The following CAMTA1 variants were observed in gnomAD, a reference collection of about 807,000 sequenced individuals.
CAMTA1 encodes calmodulin-binding transcription activator 1.
CAMTA1 carries 27 observed loss-of-function variants against 170.9 expected under a neutral mutation model. The observed-to-expected ratio is 0.16, with a 90% confidence interval of 0.12 to 0.22. The LOEUF (loss-of-function observed/expected upper bound fraction) is 0.22. Among genes scored for constraint, CAMTA1 ranks in the 10% least tolerant of loss-of-function variants. CAMTA1 has a pLI of 1.00. For synonymous variants in CAMTA1, 833 were observed against 891.5 expected (o/e 0.93, Z 1.17); for missense variants, 1,619 against 2,217.2 (o/e 0.73, Z 5.42).
chr1:7,528,537 G>T (rs2094455264), intron 6 of CAMTA1, among the ~76,000 whole-genome samples: 1 of 152,112 alleles, frequency 6.6e-6, no homozygotes, highest in Admixed American at 6.6e-5. Flanking sequence ...CTCTGAGTCA[G>T]GCTGGTATCT....
At chr1:7,069,167 G>A (rs1016969427) in intron 3 of CAMTA1, among the ~76,000 whole-genome samples, 7 of 152,180 alleles carry the variant, frequency 4.6e-5, no homozygotes, top group African/African-American at 1.4e-4. Context: ...AGGCAACTGG[G>A]AAAGATTGTC....
At chr1:6,872,618 G>A (rs77124732) in intron 3 of CAMTA1, among the ~76,000 whole-genome samples, 2,646 of 152,206 alleles carry the variant, frequency 0.017, 94 homozygotes, top group African/African-American at 0.061. Context: ...TCTGCCATAT[G>A]CAATTTCATG....
chr1:7,523,659 A>C (rs1166471894), intron 6 of CAMTA1, among the ~76,000 whole-genome samples: 1 of 151,558 alleles, frequency 6.6e-6, no homozygotes, highest in Non-Finnish European at 1.5e-5. Context: ...CAGGCGGATC[A>C]CAAGCTCAGG....
At chr1:7,200,488 G>T (rs1286154836) in intron 4 of CAMTA1, among the ~76,000 whole-genome samples, 1 of 152,186 alleles carries the variant, frequency 6.6e-6, no homozygotes, top group Non-Finnish European at 1.5e-5. Flanking sequence ...GATTCAATCT[G>T]GGATCATGGG....
At chr1:7,572,372 T>C (rs1283912897) in intron 6 of CAMTA1, among the ~76,000 whole-genome samples, 1 of 152,270 alleles carries the variant, frequency 6.6e-6, no homozygotes, top group African/African-American at 2.4e-5. Context: ...TTTTGGCTTT[T>C]GTTGCACTTG....
chr1:7,347,071 T>C (rs1193859469), intron 5 of CAMTA1, among the ~76,000 whole-genome samples: 3 of 152,140 alleles, frequency 2.0e-5, no homozygotes, highest in Admixed American at 6.5e-5. Context: ...TCCGTAGCAA[T>C]AGATGGTGAA....
chr1:7,420,116 C>G (rs1347477176), intron 5 of CAMTA1, among the ~76,000 whole-genome samples: 1 of 152,172 alleles, frequency 6.6e-6, no homozygotes, highest in Admixed American at 6.5e-5. Flanking sequence ...GACCTCCACT[C>G]TGGGCCCGCA....
At chr1:7,640,690 T>A (rs375612291) in intron 7 of CAMTA1, 137 bp downstream of exon 7, 34 of 1,007,642 alleles carry the variant, frequency 3.4e-5, no homozygotes, top group South Asian at 1.3e-4. Flanking sequence ...AGTGGCACCG[T>A]GAGCTTAGCT....
rs181017254 is a variant in CAMTA1 at position 7,664,045 on chromosome 1, G to T, written c.1498G>T (p.Gly500Cys). The T allele has an allele frequency of 6.8e-5, 109 of 1,613,884 alleles. No homozygotes were observed. The highest frequency in any genetic ancestry group is 8.7e-5 in the Non-Finnish European group (103 of 1,180,054). ...CCCAAAGCAGGGCCAGACGTACGGGGGTGGAGGCCTGAAAGCCGAGATGGT... is the reference window on the plus strand; with the variant it reads ...CCCAAAGCAGGGCCAGACGTACGGGTGTGGAGGCCTGAAAGCCGAGATGGT... ...NNPKQGQTYG[G>C]GGLKAEMVSS... The change falls in exon 9 of 23, where the codon GGT (glycine) becomes TGT (cysteine). Residue 500 changes from glycine (G) to cysteine (C), a missense_variant. Gly to Cys is a radical substitution (Grantham distance 159, BLOSUM62 -3). Around this residue, in one of 8 missense-constraint regions of CAMTA1, gnomAD observed 731 missense variants for 907.6 expected, o/e 0.81. Transcript: ENST00000303635.
At chr1:7,094,930 G>A (rs533890421) in intron 4 of CAMTA1, among the ~76,000 whole-genome samples, 1 of 152,208 alleles carries the variant, frequency 6.6e-6, no homozygotes, top group East Asian at 1.9e-4. Flanking sequence ...GGTGAATTGA[G>A]AATCTTGGAA....
At chr1:7,208,596 C>G (rs529496966) in intron 4 of CAMTA1, among the ~76,000 whole-genome samples, 10 of 152,318 alleles carry the variant, frequency 6.6e-5, no homozygotes, top group African/African-American at 2.2e-4. Flanking sequence ...ATGTGCACCT[C>G]TGTGTTTTGC....
At chr1:7,605,323 A>G (rs963617377) in intron 6 of CAMTA1, among the ~76,000 whole-genome samples, 3 of 152,202 alleles carry the variant, frequency 2.0e-5, no homozygotes, top group African/African-American at 4.8e-5. Context: ...GAGCTGCAGT[A>G]GGCTCCACTG....
intron 5 of CAMTA1, among the ~76,000 whole-genome samples, chr1:7,269,833 A>C (rs1365545583): frequency 6.6e-6 from 1 of 152,226 alleles, no homozygotes; most frequent in African/African-American, 2.4e-5. Context: ...GACTTTTCCA[A>C]ATGTGATGAA....
chr1:7,024,555 G>T (rs563969856), intron 3 of CAMTA1, among the ~76,000 whole-genome samples: 1 of 152,332 alleles, frequency 6.6e-6, no homozygotes, highest in South Asian at 2.1e-4. Context: ...GTGTGATGCT[G>T]GCCTTTAAGA....
At chr1:7,723,506 C>G (rs192900780) in intron 11 of CAMTA1, among the ~76,000 whole-genome samples, 2 of 152,178 alleles carry the variant, frequency 1.3e-5, no homozygotes, top group African/African-American at 4.8e-5. Flanking sequence ...GATACTCCCC[C>G]GTCTGCGAGG....
At chr1:7,016,693 T>A (rs964269754) in intron 3 of CAMTA1, among the ~76,000 whole-genome samples, 39 of 152,082 alleles carry the variant, frequency 2.6e-4, no homozygotes, top group African/African-American at 8.4e-4. Flanking sequence ...AAATTAGCCT[T>A]GCGTGGTGGC....
intron 3 of CAMTA1, among the ~76,000 whole-genome samples, chr1:6,977,272 G>A (rs929402624): frequency 1.1e-4 from 16 of 151,986 alleles, no homozygotes; most frequent in South Asian, 4.1e-4. Context: ...AGCTCTTGCC[G>A]CATACTTCTG....
In CAMTA1 at chr1:7,044,076, C is replaced by G. The variant is rs536009538; in HGVS notation, c.235-47228C>G. Among the ~76,000 whole-genome samples the G allele has an allele frequency of 6.6e-6, 1 of 152,348 alleles. No individual in the cohort carries two copies. The highest frequency in any genetic ancestry group is 1.9e-4 in the East Asian group (1 of 5,186). On this transcript the variant is annotated intron_variant, in intron 3 of 22. Coordinates refer to ENST00000303635, the MANE Select transcript of CAMTA1 (RefSeq NM_015215.4). This position sits in a 1 kb window ranked among gnomAD's most constrained non-coding sequence, Gnocchi z 5.0. ...GCCAGCGGAGGTCAGGAGCAGTGAT[C>G]TACGGGAGATGCTGCCGCCATCCCC...
intron 6 of CAMTA1, among the ~76,000 whole-genome samples, chr1:7,523,813 G>T (rs2094396927): frequency 1.3e-5 from 2 of 151,940 alleles, no homozygotes; most frequent in African/African-American, 4.8e-5. Flanking sequence ...AACCTGGGAG[G>T]CAGAGCTTGC....
Sources: allele counts gnomAD v4.1 joint callset (sites outside exome capture counted in the v4.1 genomes callset), GRCh38; gene constraint gnomAD v4.1.1; regional missense constraint gnomAD v4.1.1; non-coding constraint Gnocchi (gnomAD v3.1); transcripts MANE v1.5; gene names NCBI Gene and HGNC (gene_info 2026-07-23, HGNC 2026-07-21).